SLC35F4: variants seen among roughly 807,000 people sequenced by gnomAD.
SLC35F4 encodes the protein solute carrier family 35 member F4.
A neutral mutation model predicts 44.2 loss-of-function variants in SLC35F4; 24 were observed. The observed-to-expected ratio is 0.54, with a 90% CI of 0.39 to 0.76. The LOEUF (loss-of-function observed/expected upper bound fraction) is 0.76. Ranked by LOEUF, SLC35F4 falls within the 30% of genes least tolerant of loss-of-function variation. The pLI, the probability that SLC35F4 is intolerant of heterozygous loss-of-function variation, is 0.00. For synonymous variants in SLC35F4, 238 were observed against 223.6 expected (o/e 1.06, Z -0.57); for missense variants, 562 against 586.1 (o/e 0.96, Z 0.42).
chr14:57,661,274 C>T (rs913220766), intron 1 of SLC35F4, among the ~76,000 whole-genome samples: 1 of 152,034 alleles, frequency 6.6e-6, no homozygotes, highest in Admixed American at 6.6e-5. Context: ...TATTACAGCC[C>T]GGGGACAGCA....
intron 1 of SLC35F4, among the ~76,000 whole-genome samples, chr14:57,606,427 C>T (rs946578667): frequency 6.6e-6 from 1 of 152,150 alleles, no homozygotes; most frequent in Non-Finnish European, 1.5e-5. Flanking sequence ...CTCAAATAAG[C>T]AACTGATTTT....
intron 1 of SLC35F4, among the ~76,000 whole-genome samples, chr14:57,728,472 G>T (rs1594899496): frequency 4.0e-5 from 4 of 98,932 alleles, no homozygotes; most frequent in East Asian, 3.5e-4. Context: ...TTTTTGAGAT[G>T]GAGTCTCACT....
chr14:57,845,567 A>G (rs1885945961), intron 1 of SLC35F4, among the ~76,000 whole-genome samples: 1 of 152,224 alleles, frequency 6.6e-6, no homozygotes, highest in Non-Finnish European at 1.5e-5. Context: ...GACTGTATAC[A>G]GTGCCTATTT....
chr14:57,566,640 T>A (rs1192292568), intron 6 of SLC35F4, 76 bp from the exon 7 acceptor site: 1 of 1,392,338 alleles, frequency 7.2e-7, no homozygotes, highest in Admixed American at 2.0e-5. Context: ...AGTAAATGAA[T>A]CAATGTCTTT....
chr14:57,843,723 TAATAA>T lies in SLC35F4; in HGVS notation c.103+21995_103+21999del, dbSNP rs1322324959. Among the ~76,000 whole-genome samples, 6 of 152,308 alleles carry T rather than the reference TAATAA, an allele frequency of 3.9e-5. 1 individual carries two copies. The highest frequency in any genetic ancestry group is 1.4e-4 in the African/African-American group (6 of 41,572). ...TTTCAGAACATTTATCTTAATTTTA[TAATAA>T]AATAAACTGAAACTGTACTTTTATT... On this transcript the variant is annotated intron_variant, in intron 1 of 7. Transcript: ENST00000556826.
intron 1 of SLC35F4, among the ~76,000 whole-genome samples, chr14:57,602,090 G>T (rs2070856444): frequency 1.3e-5 from 2 of 151,996 alleles, no homozygotes; most frequent in Admixed American, 6.6e-5. Context: ...ATACATTAAG[G>T]TGAGCAATTC....
chr14:57,598,410 G>A (rs1276046028), intron 1 of SLC35F4, among the ~76,000 whole-genome samples: 2 of 152,322 alleles, frequency 1.3e-5, no homozygotes, highest in African/African-American at 4.8e-5. Flanking sequence ...CTGAGAATAA[G>A]GTGCCTTGGG....
At position 57,925,641 on chromosome 14, in the gene SLC35F4, CT is replaced by C. The variant is rs11438270; in HGVS notation, n.282+56271del. On this transcript the variant is annotated intron_variant and non_coding_transcript_variant, in intron 1 of 1. Coordinates refer to the SLC35F4 transcript ENST00000556568. ...ATGTTCTGAACTAAGCTTGAAGGAG[CT>C]TTTTTTTTTTTTAATAAAAATGGCA... Among the ~76,000 whole-genome samples the C allele has an allele frequency of 8.9e-3, 1,193 of 134,594 alleles. 18 individuals are homozygous for C. The highest frequency in any genetic ancestry group is 0.028 in the African/African-American group (1,021 of 36,134). 88.3% of individuals were successfully genotyped at this position (134,594 alleles called of 152,430 possible). A position where few individuals can be genotyped will look rare whatever the true frequency, so the allele number is the denominator to read the frequency against.
intron 1 of SLC35F4, among the ~76,000 whole-genome samples, chr14:57,698,799 T>C (rs1274031655): frequency 6.6e-6 from 1 of 152,096 alleles, no homozygotes; most frequent in Non-Finnish European, 1.5e-5. Flanking sequence ...CTAATTTTTG[T>C]ATTTTTAGTA....
At chr14:57,963,933 G>A (rs1890386185) in intron 1 of SLC35F4, among the ~76,000 whole-genome samples, 1 of 151,740 alleles carries the variant, frequency 6.6e-6, no homozygotes, top group South Asian at 2.1e-4. Flanking sequence ...ATCTTGCCCA[G>A]GCTATTCTCA....
intron 1 of SLC35F4, among the ~76,000 whole-genome samples, chr14:57,950,482 T>G (rs1375939313): frequency 6.6e-6 from 1 of 152,084 alleles, no homozygotes; most frequent in Non-Finnish European, 1.5e-5. Flanking sequence ...CTCTGGTATC[T>G]CCTTGAGTAG....
At chr14:57,788,010 C>A (rs1232407122) in intron 1 of SLC35F4, among the ~76,000 whole-genome samples, 1 of 152,152 alleles carries the variant, frequency 6.6e-6, no homozygotes, top group Non-Finnish European at 1.5e-5. Flanking sequence ...AACCAACTAT[C>A]TGCTCCCTTA....
At chr14:57,877,705 A>C (rs1356490866) in intron 1 of SLC35F4, among the ~76,000 whole-genome samples, 1 of 24,098 alleles carries the variant, frequency 4.1e-5, no homozygotes, top group Non-Finnish European at 8.8e-5. Flanking sequence ...TTTTTTTTTG[A>C]GATGGAGTCT....
At chr14:57,694,108 T>C (rs1224297476) in intron 1 of SLC35F4, among the ~76,000 whole-genome samples, 2 of 152,164 alleles carry the variant, frequency 1.3e-5, no homozygotes, top group African/African-American at 4.8e-5. Context: ...ATGTAACCCC[T>C]TCCCATGTCA....
At chr14:57,970,156 G>T (rs1881010220) in intron 1 of SLC35F4, among the ~76,000 whole-genome samples, 1 of 152,164 alleles carries the variant, frequency 6.6e-6, no homozygotes, top group African/African-American at 2.4e-5. Flanking sequence ...TGGGTATATA[G>T]TTCCTGACTT....
chr14:57,846,752 A>G (rs1398222035), intron 1 of SLC35F4, among the ~76,000 whole-genome samples: 1 of 152,240 alleles, frequency 6.6e-6, no homozygotes, highest in East Asian at 1.9e-4. Context: ...CAGTGACGTT[A>G]TCCCATGCTT....
intron 1 of SLC35F4, among the ~76,000 whole-genome samples, chr14:57,665,018 C>T (rs989050802): frequency 3.3e-5 from 5 of 152,148 alleles, no homozygotes; most frequent in Admixed American, 1.3e-4. Flanking sequence ...GTTTTAACAA[C>T]ATGCTTCCAC....
chr14:57,619,447 G>A (rs2072051795), intron 1 of SLC35F4, among the ~76,000 whole-genome samples: 1 of 152,128 alleles, frequency 6.6e-6, no homozygotes, highest in South Asian at 2.1e-4. Context: ...TGCAGCAGAG[G>A]GGCCTGGCTG....
intron 7 of SLC35F4, among the ~76,000 whole-genome samples, chr14:57,565,466 T>C (rs562862942): frequency 3.9e-5 from 6 of 152,338 alleles, no homozygotes; most frequent in African/African-American, 1.4e-4. Context: ...TTTTTTTTCC[T>C]TTTGTCTCCC....
Sources: gnomAD v4.1 joint callset for allele counts (sites outside exome capture counted in the v4.1 genomes callset) on GRCh38, gnomAD v4.1.1 for gene constraint, MANE v1.5 for transcripts, NCBI Gene and HGNC (gene_info 2026-07-23, HGNC 2026-07-21) for gene names.